Variants in CELF2 observed in about 807,000 individuals in gnomAD.
CELF2 encodes CUGBP Elav-like family member 2.
In CELF2, 8 loss-of-function variants were observed where a neutral mutation model predicts 62.6. The observed-to-expected ratio is 0.13, with a 90% confidence interval of 0.07 to 0.23. CELF2 has a LOEUF of 0.23. CELF2 is among the 10% of genes least tolerant of loss of function. The pLI, the probability that CELF2 is intolerant of heterozygous loss-of-function variation, is 1.00. For synonymous variants in CELF2, 258 were observed against 250.0 expected (o/e 1.03, Z -0.30); for missense variants, 333 against 671.0 (o/e 0.50, Z 5.56).
At chr10:10,871,889 C>T (rs1172992711) in intron 1 of CELF2, among the ~76,000 whole-genome samples, 2 of 152,120 alleles carry the variant, frequency 1.3e-5, no homozygotes, top group African/African-American at 4.8e-5. Context: ...AACGTATTCT[C>T]AGGTCCCTAA....
intron 1 of CELF2, among the ~76,000 whole-genome samples, chr10:11,041,070 G>A (rs186141014): frequency 6.6e-6 from 1 of 152,328 alleles, no homozygotes; most frequent in Non-Finnish European, 1.5e-5. Context: ...TTGGTTCTTG[G>A]TGAGGGCTCT....
chr10:10,852,652 C>T (rs2059455612), intron 1 of CELF2, among the ~76,000 whole-genome samples: 1 of 152,176 alleles, frequency 6.6e-6, no homozygotes, highest in African/African-American at 2.4e-5. Flanking sequence ...GAATCACTGT[C>T]CACATCATGG....
chr10:10,475,559 T>C, the CELF2 span, among the ~76,000 whole-genome samples: 29 of 152,060 alleles, frequency 1.9e-4, no homozygotes, highest in Non-Finnish European at 4.3e-4. Flanking sequence ...GGATATTCAA[T>C]TACATAATTT....
At chr10:10,631,694 G>A in the CELF2 span, among the ~76,000 whole-genome samples, 1 of 151,954 alleles carries the variant, frequency 6.6e-6, no homozygotes, top group African/African-American at 2.4e-5. Context: ...AAGAGCGTCT[G>A]CATTTGACTT....
intron 1 of CELF2, among the ~76,000 whole-genome samples, chr10:10,912,156 G>A (rs1374306530): frequency 1.3e-5 from 2 of 152,014 alleles, no homozygotes; most frequent in Non-Finnish European, 2.9e-5. Flanking sequence ...GGTGAGGATG[G>A]AAGCGGTTGC....
chr10:11,099,239 C>A (rs1832995546), intron 1 of CELF2, among the ~76,000 whole-genome samples: 2 of 152,160 alleles, frequency 1.3e-5, no homozygotes, highest in South Asian at 4.1e-4. Flanking sequence ...GGCTGTTCTG[C>A]TCTTCAGTAA....
At chr10:10,512,895 C>T in the CELF2 span, among the ~76,000 whole-genome samples, 1 of 152,180 alleles carries the variant, frequency 6.6e-6, no homozygotes, top group Non-Finnish European at 1.5e-5. Context: ...TGGCCACCAT[C>T]CCAGGCTTAA....
intron 1 of CELF2, among the ~76,000 whole-genome samples, chr10:11,121,929 A>C (rs1000080459): frequency 3.3e-5 from 5 of 152,178 alleles, no homozygotes; most frequent in African/African-American, 9.7e-5. Flanking sequence ...GAAAGGGCTC[A>C]GTGCAGACTG....
the CELF2 span, among the ~76,000 whole-genome samples, chr10:10,464,054 C>T: frequency 6.6e-6 from 1 of 151,526 alleles, no homozygotes; most frequent in Non-Finnish European, 1.5e-5. Context: ...CATTTGGTCT[C>T]GGGTCTCTAT....
intron 1 of CELF2, among the ~76,000 whole-genome samples, chr10:11,137,283 A>G (rs1056349074): frequency 6.6e-6 from 1 of 152,236 alleles, no homozygotes. Context: ...GAGTAGAGTT[A>G]GAAATGTTCT....
At chr10:10,529,669 G>C in the CELF2 span, among the ~76,000 whole-genome samples, 2 of 113,490 alleles carry the variant, frequency 1.8e-5, no homozygotes, top group Non-Finnish European at 3.3e-5. Context: ...GGGTGAGACA[G>C]CAAGACTCCA....
intron 2 of CELF2, among the ~76,000 whole-genome samples, chr10:10,982,222 T>A (rs1251694947): frequency 6.6e-6 from 1 of 152,068 alleles, no homozygotes; most frequent in African/African-American, 2.4e-5. Context: ...CCCGAAGTGC[T>A]GGGATTACAG....
intron 1 of CELF2, among the ~76,000 whole-genome samples, chr10:10,883,351 G>A (rs1485343038): frequency 6.6e-6 from 1 of 152,172 alleles, no homozygotes; most frequent in Admixed American, 6.5e-5. Flanking sequence ...TAAAATTTGA[G>A]AAGTACAGCA....
chr10:10,939,086 GGCC>G (rs2046733307), intron 2 of CELF2, among the ~76,000 whole-genome samples: 1 of 150,568 alleles, frequency 6.6e-6, no homozygotes, highest in African/African-American at 2.5e-5. Flanking sequence ...TTATCAGTGT[GGCC>G]GCTATTGTAA....
chr10:11,186,260 A>C (rs1187039715), intron 2 of CELF2, among the ~76,000 whole-genome samples: 1 of 112,478 alleles, frequency 8.9e-6, no homozygotes, highest in Non-Finnish European at 1.9e-5. Flanking sequence ...TCCCAGGTTT[A>C]TTTGTCTACT....
intron 2 of CELF2, among the ~76,000 whole-genome samples, chr10:10,937,084 T>G (rs1399856408): frequency 6.6e-6 from 1 of 152,024 alleles, no homozygotes; most frequent in Non-Finnish European, 1.5e-5. Flanking sequence ...ATGCTTTTAT[T>G]TATTCTACCT....
chr10:10,589,394 G>A, the CELF2 span, among the ~76,000 whole-genome samples: 1 of 152,150 alleles, frequency 6.6e-6, no homozygotes, highest in African/African-American at 2.4e-5. Flanking sequence ...TGATGTTAAT[G>A]GTAATAAGGC....
At chr10:10,830,358 T>A (rs1458117699) in intron 1 of CELF2, among the ~76,000 whole-genome samples, 1 of 151,786 alleles carries the variant, frequency 6.6e-6, no homozygotes, top group Non-Finnish European at 1.5e-5. Context: ...TAGCAGACTG[T>A]TAGAATCTGA....
chr10:10,925,475 C>T (rs931522809), intron 2 of CELF2, among the ~76,000 whole-genome samples: 45 of 152,014 alleles, frequency 3.0e-4, no homozygotes. Context: ...AGAAAACAGA[C>T]GGACACCATC....
Sources: gnomAD v4.1 joint callset for allele counts (sites outside exome capture counted in the v4.1 genomes callset) on GRCh38, gnomAD v4.1.1 for gene constraint, MANE v1.5 for transcripts, NCBI Gene and HGNC (gene_info 2026-07-23, HGNC 2026-07-21) for gene names.